TULP2: variants seen among roughly 807,000 people sequenced by gnomAD.
The protein encoded by TULP2 is tubby-related protein 2.
Under a neutral mutation model 60.3 loss-of-function variants are expected in TULP2, and 64 were observed. The ratio of observed to expected loss-of-function variants is 1.06; its 90% CI spans 0.87 to 1.31. The LOEUF is 1.31. TULP2 is among the 50% of genes most tolerant of loss of function. TULP2 has a pLI of 0.00. For missense variants in TULP2, 652 were observed against 667.0 expected (o/e 0.98, Z 0.25); for synonymous variants, 267 against 265.4 (o/e 1.01, Z -0.06).
chr19:48,897,398 TGAGA>T lies in TULP2; in HGVS notation c.33-6_33-3del, dbSNP rs757215904. ...GCAGCGAGCTCATGCCCCAGGATGC[TGAGA>T]GAGACACAGGCCCATGGTGACAGTG... is the stretch of plus-strand genomic sequence containing the variant. On this transcript the variant is annotated splice_region_variant and splice_polypyrimidine_tract_variant and intron_variant, in intron 2 of 12. Coordinates refer to ENST00000221399, the MANE Select transcript of TULP2 (RefSeq NM_003323.3). The surrounding 1 kb of genome is among the most constrained non-coding windows in gnomAD (Gnocchi z 4.0). 1.2e-6 allele frequency: 2 copies of T among 1,613,648 alleles called. No homozygotes were observed. Among genetic ancestry groups the T allele is most frequent in the Admixed American group, 1.7e-5 (1 of 59,936 alleles).
In TULP2 at chr19:48,881,406, G is replaced by C. The variant is rs544188755; in HGVS notation, c.1448-280C>G. 2.2e-5 allele frequency among the ~76,000 whole-genome samples: 3 copies of C among 139,038 alleles called. No individual in the cohort carries two copies. In the South Asian group the frequency reaches 6.9e-4, roughly 32 times the overall value. 91.2% of individuals were successfully genotyped at this position (139,038 alleles called of 152,430 possible). A position where few individuals can be genotyped will look rare whatever the true frequency, so the allele number is the denominator to read the frequency against. On this transcript the variant is annotated intron_variant, in intron 12 of 12. Transcript: ENST00000221399. ...TTTTTTTTTTTTTTTTTTTGAGATGGAGTCTCGCTCTGTTGCCCAGGCTGG... is the reference window on the plus strand; with the variant it reads ...TTTTTTTTTTTTTTTTTTTGAGATGCAGTCTCGCTCTGTTGCCCAGGCTGG...
At position 48,896,484 on chromosome 19, in the gene TULP2, A is replaced by G; in HGVS notation, c.157T>C (p.Ser53Pro). The change falls in exon 4 of 13, where the codon TCC (serine) becomes CCC (proline). Residue 53 changes from serine (S) to proline (P), a missense_variant. Physicochemically the swap from Ser to Pro is moderately conservative, Grantham distance 74 (BLOSUM62 -1). Coordinates refer to ENST00000221399, the MANE Select transcript of TULP2 (RefSeq NM_003323.3). Reference protein sequence around the residue: ...LLMVQANPDASPWLWRSCLRE... With the variant: ...LLMVQANPDAPPWLWRSCLRE... Reference sequence around the variant, plus strand: ...AGACAAGAGCGCCAAAGCCACGGGGAAGCGTCAGGATTGGCCTGAACCATG... The same window carrying G: ...AGACAAGAGCGCCAAAGCCACGGGGGAGCGTCAGGATTGGCCTGAACCATG... The G allele has an allele frequency of 6.2e-7, 1 of 1,611,578 alleles. No homozygotes were observed.
At chr19:48,892,629 G>A (rs892439561) in intron 6 of TULP2, among the ~76,000 whole-genome samples, 7 of 151,694 alleles carry the variant, frequency 4.6e-5, no homozygotes, top group African/African-American at 1.5e-4. Context: ...TCAGCCTCCC[G>A]AATAGCTGGG....
At chr19:48,893,517 A>G (rs896765786) in intron 6 of TULP2, among the ~76,000 whole-genome samples, 2 of 152,140 alleles carry the variant, frequency 1.3e-5, no homozygotes, top group Non-Finnish European at 2.9e-5. Flanking sequence ...GGGTAAATGG[A>G]AAAGGGGTGA....
chr19:48,896,718 C>T, intron 3 of TULP2, 162 bp from the exon 4 acceptor site: 1 of 813,962 alleles, frequency 1.2e-6, no homozygotes, highest in South Asian at 2.1e-5. Context: ...GCAGCTCCTC[C>T]CTTATTCCAC....
intron 12 of TULP2, among the ~76,000 whole-genome samples, chr19:48,881,694 T>G (rs1364710548): frequency 6.6e-6 from 1 of 151,982 alleles, no homozygotes; most frequent in Non-Finnish European, 1.5e-5. Context: ...ATTTTTGTAT[T>G]TTTAGTAGAG....
chr19:48,897,739 G>T lies in TULP2; in HGVS notation c.32+98C>A. The T allele has an allele frequency of 7.6e-7, 1 of 1,316,950 alleles. No individual in the cohort carries two copies. Among genetic ancestry groups the T allele is most frequent in the Non-Finnish European group, 1.1e-6 (1 of 910,490 alleles). The allele number at this position is 1,316,950 out of a possible 1,614,324, so 81.6% of individuals were successfully genotyped here. Reference sequence around the variant, plus strand: ...CCAGCCCCTTCCTGCAAGGCCGATGGTGCTGAACCTGCAAACATGGTTATG... The same window carrying T: ...CCAGCCCCTTCCTGCAAGGCCGATGTTGCTGAACCTGCAAACATGGTTATG... On this transcript the variant is annotated intron_variant, in intron 2 of 12. Transcript: ENST00000221399. This position sits in a 1 kb window ranked among gnomAD's most constrained non-coding sequence, Gnocchi z 4.0.
At chr19:48,887,122 C>G (rs998107562) in intron 8 of TULP2, among the ~76,000 whole-genome samples, 8 of 150,190 alleles carry the variant, frequency 5.3e-5, no homozygotes, top group Non-Finnish European at 1.0e-4. Context: ...AAGCATTCTC[C>G]TGCCTCAGCC....
In TULP2 at chr19:48,897,309, G is replaced by C. The variant is rs1483036063; in HGVS notation, c.84+36C>G. On this transcript the variant is annotated intron_variant, in intron 3 of 12. Transcript: ENST00000221399. This position sits in a 1 kb window ranked among gnomAD's most constrained non-coding sequence, Gnocchi z 4.0. ...GGCCCCTGGGGAGGCACAGAAGGCG[G>C]AAGAGTTGGAGTGGTGAGATTCCTG... 1.2e-6 allele frequency: 2 copies of C among 1,611,388 alleles called. No homozygotes were observed. The highest frequency in any genetic ancestry group is 1.7e-6 in the Non-Finnish European group (2 of 1,178,494).
intron 12 of TULP2, among the ~76,000 whole-genome samples, 166 bp from the exon 13 acceptor site, chr19:48,881,292 C>T (rs565011042): frequency 6.7e-6 from 1 of 149,048 alleles, no homozygotes; most frequent in South Asian, 2.1e-4. Context: ...TCACTGCAAC[C>T]TCCACCTCCC....
At chr19:48,896,855 C>T in intron 3 of TULP2, 1 of 347,688 alleles carries the variant, frequency 2.9e-6, no homozygotes, top group Non-Finnish European at 5.2e-6. Context: ...CTTTAGAACC[C>T]CCAATTCCTA....
intron 1 of TULP2, 81 bp downstream of exon 1, chr19:48,898,509 G>A (rs2037304225): frequency 6.6e-6 from 1 of 152,074 alleles, no homozygotes; most frequent in South Asian, 2.1e-4. Context: ...CGGGAGACTT[G>A]TTCTCCTCAC....
At chr19:48,884,827 C>T (rs1203770688) in intron 9 of TULP2, among the ~76,000 whole-genome samples, 5 of 151,778 alleles carry the variant, frequency 3.3e-5, no homozygotes, top group Non-Finnish European at 5.9e-5. Context: ...CATCCATGGT[C>T]CCAGGCCCCC....
Position 48,897,416 on chromosome 19 carries a change from A to G in TULP2, c.33-20T>C. 6.2e-7 allele frequency: 1 copy of G among 1,613,270 alleles called. No individual in the cohort carries two copies. Among genetic ancestry groups the G allele is most frequent in the Non-Finnish European group, 8.5e-7 (1 of 1,179,634 alleles). On this transcript the variant is annotated intron_variant, in intron 2 of 12. Transcript: ENST00000221399. The surrounding 1 kb of genome is among the most constrained non-coding windows in gnomAD (Gnocchi z 4.0). Reference sequence around the variant, plus strand: ...AGGATGCTGAGAGAGACACAGGCCCATGGTGACAGTGCACAGGGAACCTCG... The same window carrying G: ...AGGATGCTGAGAGAGACACAGGCCCGTGGTGACAGTGCACAGGGAACCTCG...
chr19:48,889,011 G>A (rs2037208683), intron 7 of TULP2, among the ~76,000 whole-genome samples: 1 of 140,062 alleles, frequency 7.1e-6, no homozygotes, highest in Non-Finnish European at 1.5e-5. Context: ...TTTTTGGACA[G>A]TCTCACTCTG....
intron 7 of TULP2, among the ~76,000 whole-genome samples, chr19:48,888,652 C>T (rs1286773986): frequency 6.6e-6 from 1 of 152,106 alleles, no homozygotes; most frequent in Non-Finnish European, 1.5e-5. Flanking sequence ...GACAGAGTTT[C>T]GCTCTGTCGC....
chr19:48,894,508 A>G (rs62128048), intron 6 of TULP2, among the ~76,000 whole-genome samples: 62,506 of 151,398 alleles, frequency 0.41, 13,489 homozygotes, highest in African/African-American at 0.54. Context: ...GGGCGTGGTG[A>G]TGCGCACCTG....
chr19:48,890,352 G>C (rs2037221316), intron 6 of TULP2, among the ~76,000 whole-genome samples: 1 of 152,028 alleles, frequency 6.6e-6, no homozygotes. Flanking sequence ...TCACGTGTTT[G>C]TCTGCTGACC....
intron 8 of TULP2, among the ~76,000 whole-genome samples, chr19:48,886,679 C>T (rs1223499005): frequency 6.6e-6 from 1 of 151,976 alleles, no homozygotes; most frequent in African/African-American, 2.4e-5. Context: ...GGGGAGGGAC[C>T]TGGTTGCTGG....
Sources: allele counts gnomAD v4.1 joint callset (sites outside exome capture counted in the v4.1 genomes callset), GRCh38; gene constraint gnomAD v4.1.1; non-coding constraint Gnocchi (gnomAD v3.1); transcripts MANE v1.5; gene names NCBI Gene and HGNC (gene_info 2026-07-23, HGNC 2026-07-21).